IL25: variants seen among roughly 807,000 people sequenced by gnomAD.
IL25 encodes interleukin-25.
In IL25, 10 loss-of-function variants were observed where a neutral mutation model predicts 13.2. The observed-to-expected ratio is 0.76, with a 90% CI of 0.47 to 1.29. IL25 has a LOEUF of 1.29. Among genes scored for constraint, IL25 ranks in the 50% most tolerant of loss-of-function variants. IL25 has a pLI of 0.00. For synonymous variants in IL25, 107 were observed against 92.1 expected (o/e 1.16, Z -0.93); for missense variants, 235 against 232.4 (o/e 1.01, Z -0.07).
rs1890528982 is a variant in IL25 at position 23,375,666 on chromosome 14, A to ACGCC, written c.323_326dup (p.Cys110ProfsTer104). ...AACCGGCTCCCCCAGGACCTGTACC[A>ACGCC]CGCCCGTTGCCTGTGCCCGCACTGC... On this transcript the variant is annotated frameshift_variant, in exon 2 of 2. Coordinates refer to ENST00000329715, the Ensembl canonical transcript of IL25. LOFTEE classifies it high-confidence loss of function. 6.2e-7 allele frequency: 1 copy of ACGCC among 1,614,040 alleles called. No individual in the cohort carries two copies. The highest frequency in any genetic ancestry group is 8.5e-7 in the Non-Finnish European group (1 of 1,180,006).
At chr14:23,373,449 T>C in intron 1 of IL25, 53 bp downstream of exon 2, 1 of 1,488,400 alleles carries the variant, frequency 6.7e-7, no homozygotes, top group African/African-American at 1.4e-5. Context: ...GGCCAGGGTA[T>C]GCGTGAGGGA....
At chr14:23,373,337 C>A (rs1890463840) in exon 1 of IL25, 2 of 1,614,002 alleles carry the variant, frequency 1.2e-6, no homozygotes, top group Non-Finnish European at 1.7e-6. Context: ...ACCCAGAGTC[C>A]TGTAGGGCCA....
chr14:23,375,285 A>G (rs572307207), intron 1 of IL25, among the ~76,000 whole-genome samples: 1 of 152,332 alleles, frequency 6.6e-6, no homozygotes, highest in Non-Finnish European at 1.5e-5. Flanking sequence ...AAACACCTAA[A>G]GTGTAATCAT....
upstream of IL25, chr14:23,372,829 G>C: frequency 1.2e-6 from 1 of 819,608 alleles, no homozygotes; most frequent in Middle Eastern, 2.3e-4. Context: ...TCCCTAAAAA[G>C]ACAGTGGAAA....
chr14:23,372,965 G>C, exon 1 of IL25: 1 of 1,613,738 alleles, frequency 6.2e-7, no homozygotes, highest in African/African-American at 1.3e-5. Flanking sequence ...GCAGTGCCCA[G>C]CATGTACCAG....
chr14:23,373,500 G>T, intron 1 of IL25, 104 bp downstream of exon 2: 1 of 1,003,518 alleles, frequency 1.0e-6, no homozygotes, highest in Non-Finnish European at 1.4e-6. Context: ...TGATCTCAGA[G>T]GGGCTGTAAA....
exon 2 of IL25, chr14:23,375,824 A>C: frequency 6.2e-7 from 1 of 1,614,260 alleles, no homozygotes; most frequent in South Asian, 1.1e-5. Flanking sequence ...CCTGGAGCGC[A>C]GGCTGTACCG....
chr14:23,373,243 G>T (rs1890460672), exon 1 of IL25: 1 of 1,614,106 alleles, frequency 6.2e-7, no homozygotes. Context: ...TGCTGCCCCA[G>T]CAAAGGGCAG....
chr14:23,372,938 C>T (rs144496239), exon 1 of IL25: 4 of 1,609,974 alleles, frequency 2.5e-6, no homozygotes, highest in Admixed American at 1.7e-5. Context: ...GTCAGTGCCC[C>T]ACTTGTGACT....
intron 1 of IL25, 59 bp from the exon 3 acceptor site, chr14:23,375,566 C>A: frequency 1.3e-6 from 2 of 1,581,250 alleles, no homozygotes; most frequent in Non-Finnish European, 1.7e-6. Flanking sequence ...TCCCATGCCA[C>A]CCCACCCTCT....
chr14:23,376,165 T>G, exon 2 of IL25: 1 of 434,968 alleles, frequency 2.3e-6, no homozygotes, highest in Non-Finnish European at 4.1e-6. Context: ...CTCCTGTCTC[T>G]TCCTCTTTTC....
exon 1 of IL25, chr14:23,372,862 G>T: frequency 9.4e-7 from 1 of 1,067,582 alleles, no homozygotes; most frequent in Non-Finnish European, 1.4e-6. Context: ...AACAAAACAG[G>T]CTTGCTGAAA....
exon 2 of IL25, chr14:23,376,038 T>C (rs1890549393): frequency 1.7e-5 from 15 of 888,440 alleles, no homozygotes; most frequent in Non-Finnish European, 2.4e-5. Context: ...GGGGAAAGCC[T>C]GCACTTCTGC....
intron 1 of IL25, among the ~76,000 whole-genome samples, chr14:23,374,712 A>ATCTTTCTTTCTT (rs200247185): frequency 6.9e-6 from 1 of 144,106 alleles, no homozygotes; most frequent in African/African-American, 2.6e-5. Context: ...AGTGTTTTTC[A>ATCTTTCTTTCTT]TCTTTCTTTC....
exon 1 of IL25, chr14:23,373,331 A>G (rs1375903549): frequency 1.2e-6 from 2 of 1,614,078 alleles, no homozygotes; most frequent in Non-Finnish European, 8.5e-7. Flanking sequence ...ACCGCCACCC[A>G]GAGTCCTGTA....
At chr14:23,374,033 A>G (rs1044963331) in intron 1 of IL25, among the ~76,000 whole-genome samples, 1 of 152,202 alleles carries the variant, frequency 6.6e-6, no homozygotes, top group African/African-American at 2.4e-5. Flanking sequence ...ATGAAGCAAA[A>G]TATTAAAAAC....
chr14:23,375,736 G>A (rs145232950), exon 2 of IL25: 25 of 1,614,080 alleles, frequency 1.5e-5, no homozygotes, highest in South Asian at 7.7e-5. Flanking sequence ...GGGGCAACTC[G>A]GAGCTGCTCT....
intron 1 of IL25, among the ~76,000 whole-genome samples, chr14:23,374,625 G>A (rs11465510): frequency 0.04 from 6,159 of 152,240 alleles, 401 homozygotes; most frequent in African/African-American, 0.14. Context: ...TTGTCTGTGT[G>A]GGGAATGGTC....
At chr14:23,375,912 G>A (rs1261811438) in exon 2 of IL25, 1 of 1,604,562 alleles carries the variant, frequency 6.2e-7, no homozygotes, top group Non-Finnish European at 8.5e-7. Context: ...CCCTTTTTGG[G>A]AAACCTGGAG....
Sources: allele counts gnomAD v4.1 joint callset (sites outside exome capture counted in the v4.1 genomes callset), GRCh38; gene constraint gnomAD v4.1.1; transcripts MANE v1.5; gene names NCBI Gene and HGNC (gene_info 2026-07-23, HGNC 2026-07-21).